Variants in FAF1 observed in about 807,000 individuals in gnomAD.
The protein encoded by FAF1 is FAS-associated factor 1.
In FAF1, 25 loss-of-function variants were observed where a neutral mutation model predicts 92.5. The ratio of observed to expected loss-of-function variants is 0.27; its 90% CI spans 0.20 to 0.38. The LOEUF (loss-of-function observed/expected upper bound fraction) is 0.38, where lower values mean the gene tolerates loss of function less well. Among genes scored for constraint, FAF1 ranks in the 10% least tolerant of loss-of-function variants. FAF1 has a pLI of 1.00. For missense variants in FAF1, 636 were observed against 793.3 expected, an observed-to-expected ratio of 0.80 and a Z score of 2.38; for synonymous variants, 234 against 273.2, an observed-to-expected ratio of 0.86 and a Z score of 1.42.
chr1:50,520,105 C>T (rs754250041), intron 15 of FAF1, among the ~76,000 whole-genome samples: 3 of 152,172 alleles, frequency 2.0e-5, no homozygotes, highest in Non-Finnish European at 4.4e-5. Context: ...ACATATCATC[C>T]TTTAAGACTC....
At chr1:50,713,828 C>T (rs1658054754) in intron 6 of FAF1, among the ~76,000 whole-genome samples, 1 of 143,990 alleles carries the variant, frequency 6.9e-6, no homozygotes, top group Non-Finnish European at 1.5e-5. Flanking sequence ...GGCTAGAATG[C>T]AGTGGCATGA....
intron 6 of FAF1, among the ~76,000 whole-genome samples, chr1:50,725,185 AAAGG>A: frequency 6.6e-6 from 1 of 152,318 alleles, no homozygotes; most frequent in South Asian, 2.1e-4. Context: ...ACCTTAGAAG[AAAGG>A]AAGGATGAGT....
chr1:50,954,870 T>A (rs1570185509), intron 1 of FAF1, among the ~76,000 whole-genome samples: 1 of 152,264 alleles, frequency 6.6e-6, no homozygotes, highest in East Asian at 1.9e-4. Flanking sequence ...TTAGCCAGGC[T>A]TGGTGGCACA....
At chr1:50,544,942 G>T (rs746119782) in intron 13 of FAF1, among the ~76,000 whole-genome samples, 4 of 152,136 alleles carry the variant, frequency 2.6e-5, no homozygotes, top group East Asian at 1.9e-4. Context: ...TAACAAGGAG[G>T]TTACTATAGT....
Position 50,746,735 on chromosome 1 carries a change from A to C in FAF1, c.368-1960T>G, listed in dbSNP as rs115470382. On this transcript the variant is annotated intron_variant, in intron 4 of 18. Transcript: ENST00000396153. The stretch of plus-strand genomic sequence containing the variant: ...GCTGCAGAAGTTTACATAAGTAAAG[A>C]AAAGCCAAGTGCTGATAGCTAAAAC... Among the ~76,000 whole-genome samples, 233 of 152,360 alleles carry C rather than the reference A, an allele frequency of 1.5e-3. 1 individual carries two copies. Among genetic ancestry groups the C allele is most frequent in the African/African-American group, 5.4e-3 (226 of 41,576 alleles).
At chr1:50,952,753 G>A (rs546622031) in intron 1 of FAF1, among the ~76,000 whole-genome samples, 41 of 150,696 alleles carry the variant, frequency 2.7e-4, no homozygotes, top group African/African-American at 9.3e-4. Flanking sequence ...GTCTCTGCCC[G>A]ACCGCCACCC....
chr1:50,822,680 T>C (rs1019980685), intron 2 of FAF1, among the ~76,000 whole-genome samples: 4 of 152,146 alleles, frequency 2.6e-5, no homozygotes, highest in Non-Finnish European at 5.9e-5. Context: ...CTTTCCCAGA[T>C]TGAATTTGCG....
intron 1 of FAF1, among the ~76,000 whole-genome samples, chr1:50,900,202 C>T (rs1168630587): frequency 6.6e-6 from 1 of 152,124 alleles, no homozygotes; most frequent in Non-Finnish European, 1.5e-5. Context: ...TTAAAGCCTA[C>T]CTAAACACTT....
chr1:50,755,434 C>G (rs988677042), intron 4 of FAF1, among the ~76,000 whole-genome samples: 1 of 152,220 alleles, frequency 6.6e-6, no homozygotes, highest in South Asian at 2.1e-4. Context: ...CAGCTCCGCC[C>G]TTGTGGCTTT....
chr1:50,779,991 G>GACAGACACACAC (rs369288416), intron 4 of FAF1, among the ~76,000 whole-genome samples: 12 of 145,438 alleles, frequency 8.3e-5, no homozygotes, highest in East Asian at 4.1e-4. Flanking sequence ...CAGACAGACA[G>GACAGACACACAC]ACACACACAC....
At chr1:50,842,088 T>C (rs1644260876) in intron 2 of FAF1, among the ~76,000 whole-genome samples, 1 of 152,100 alleles carries the variant, frequency 6.6e-6, no homozygotes, top group Admixed American at 6.5e-5. Context: ...TTCTCCTTAC[T>C]GAACAAAAAC....
intron 7 of FAF1, among the ~76,000 whole-genome samples, chr1:50,701,084 G>A (rs1018821357): frequency 1.6e-4 from 24 of 152,020 alleles, no homozygotes; most frequent in Admixed American, 1.4e-3. Context: ...CGTCTTTTCT[G>A]AAAGCTGAAT....
intron 7 of FAF1, among the ~76,000 whole-genome samples, chr1:50,665,030 T>G (rs1655562060): frequency 6.6e-6 from 1 of 152,182 alleles, no homozygotes; most frequent in African/African-American, 2.4e-5. Context: ...CTGCAATAAA[T>G]AAAATTACAA....
chr1:50,669,709 G>C (rs1306475644), intron 7 of FAF1, among the ~76,000 whole-genome samples: 1 of 152,178 alleles, frequency 6.6e-6, no homozygotes, highest in Non-Finnish European at 1.5e-5. Flanking sequence ...TAATCTATAA[G>C]AGCAAACAGA....
chr1:50,585,393 T>A (rs1462409118), intron 9 of FAF1, among the ~76,000 whole-genome samples: 1 of 152,208 alleles, frequency 6.6e-6, no homozygotes, highest in Non-Finnish European at 1.5e-5. Flanking sequence ...TAATAATGTT[T>A]TAATTCAGTA....
chr1:50,932,642 T>C (rs889940024), intron 1 of FAF1, among the ~76,000 whole-genome samples: 1 of 152,152 alleles, frequency 6.6e-6, no homozygotes, highest in African/African-American at 2.4e-5. Flanking sequence ...GGTGAAGCTG[T>C]TGGTGGATCT....
intron 18 of FAF1, among the ~76,000 whole-genome samples, chr1:50,462,947 G>C (rs910046077): frequency 6.6e-6 from 1 of 152,186 alleles, no homozygotes; most frequent in African/African-American, 2.4e-5. Flanking sequence ...GGTTAACACA[G>C]CAGGACTGCT....
At chr1:50,519,435 GGAA>G in intron 15 of FAF1, among the ~76,000 whole-genome samples, 3 of 145,982 alleles carry the variant, frequency 2.1e-5, no homozygotes, top group African/African-American at 5.1e-5. Flanking sequence ...AAGGAAGGAA[GGAA>G]GGAGGAGGGA....
At chr1:50,598,646 A>G (rs1179659699) in intron 8 of FAF1, among the ~76,000 whole-genome samples, 1 of 152,118 alleles carries the variant, frequency 6.6e-6, no homozygotes, top group Non-Finnish European at 1.5e-5. Flanking sequence ...TACAAACAGT[A>G]TTTAGTGTTA....
Sources: allele counts gnomAD v4.1 joint callset (sites outside exome capture counted in the v4.1 genomes callset), GRCh38; gene constraint gnomAD v4.1.1; transcripts MANE v1.5; gene names NCBI Gene and HGNC (gene_info 2026-07-23, HGNC 2026-07-21).